Variants in DNAH12 observed in about 807,000 individuals in gnomAD.
DNAH12 encodes axonemal beta dynein heavy chain 12.
In DNAH12, 285 loss-of-function variants were observed where a neutral mutation model predicts 371.5. That is an observed-to-expected ratio of 0.77 (90% CI 0.70 to 0.85). The LOEUF (loss-of-function observed/expected upper bound fraction) is 0.85. Ranked by LOEUF, DNAH12 falls within the 40% of genes least tolerant of loss-of-function variation. The pLI is 0.00. For synonymous variants in DNAH12, 1,200 were observed against 1,213.0 expected (o/e 0.99, Z 0.22); for missense variants, 3,611 against 3,689.4 (o/e 0.98, Z 0.55).
chr3:57,469,264 C>G (rs2153379913), intron 16 of DNAH12, among the ~76,000 whole-genome samples: 1 of 152,222 alleles, frequency 6.6e-6, no homozygotes, highest in East Asian at 1.9e-4. Context: ...CAAATCAAAC[C>G]ACAATGAGAG....
chr3:57,302,087 T>C (rs2061359588), intron 69 of DNAH12, 148 bp from the exon 70 acceptor site: 2 of 703,434 alleles, frequency 2.8e-6, no homozygotes, highest in South Asian at 3.9e-5. Context: ...CGTGAGCTAA[T>C]GTTAAGTGAT....
In DNAH12 at chr3:57,470,612, G is replaced by C; in HGVS notation, c.1936C>G (p.Gln646Glu). The stretch of plus-strand genomic sequence containing the variant: ...TCTTCAGATTCCTGAATACGTTTTT[G>C]TAGTTGTCTTACATCTGTCACATAC... ...QQYVTDVRQL[Q>E]KRIQESEEAV... The change falls in exon 16 of 74, where the codon CAA becomes GAA. Residue 646 changes from glutamine to glutamate, a missense_variant. Coordinates refer to ENST00000495027, the MANE Select transcript of DNAH12 (RefSeq NM_001366028.2). The C allele has an allele frequency of 1.3e-6, 2 of 1,539,984 alleles. No homozygotes were observed. The highest frequency in any genetic ancestry group is 1.7e-6 in the Non-Finnish European group (2 of 1,144,550).
intron 4 of DNAH12, among the ~76,000 whole-genome samples, chr3:57,514,570 CAG>C (rs2068118956): frequency 1.3e-5 from 2 of 152,016 alleles, no homozygotes; most frequent in East Asian, 1.9e-4. Context: ...TTGGAACAGA[CAG>C]AAAGTATGGG....
At chr3:57,444,966 T>C in intron 28 of DNAH12, 150 bp from the exon 29 acceptor site, 1 of 1,043,240 alleles carries the variant, frequency 9.6e-7, no homozygotes, top group South Asian at 1.7e-5. Flanking sequence ...ATCCCTATAA[T>C]AAAAAGTCAA....
intron 60 of DNAH12, among the ~76,000 whole-genome samples, chr3:57,348,522 G>C (rs1221282267): frequency 6.6e-6 from 1 of 152,150 alleles, no homozygotes; most frequent in Non-Finnish European, 1.5e-5. Flanking sequence ...ATATGTCAAT[G>C]CAAGCTCATA....
chr3:57,483,149 C>T (rs1232227431), intron 13 of DNAH12, among the ~76,000 whole-genome samples: 1 of 146,664 alleles, frequency 6.8e-6, no homozygotes, highest in East Asian at 2.0e-4. Flanking sequence ...TAAAAATCAA[C>T]TGGAAACCTC....
intron 23 of DNAH12, 134 bp from the exon 24 acceptor site, chr3:57,453,537 T>C: frequency 1.3e-6 from 1 of 745,446 alleles, no homozygotes; most frequent in Non-Finnish European, 1.9e-6. Context: ...TCAAGCGTGG[T>C]GGCTCATGCC....
At position 57,454,457 on chromosome 3, in the gene DNAH12, G is replaced by A. The variant is rs528112649; in HGVS notation, c.3456+318C>T. Among the ~76,000 whole-genome samples, 12 of 147,916 alleles carry A rather than the reference G, an allele frequency of 8.1e-5. 1 individual carries two copies. The Admixed American group carries it at 8.1e-4, about 10-fold the overall frequency. On this transcript the variant is annotated intron_variant, in intron 23 of 73. Coordinates refer to ENST00000495027, the MANE Select transcript of DNAH12 (RefSeq NM_001366028.2). ...ATCATGCCTTTGCACTCCAGCCTAG[G>A]CAACAAGAGCGTAACTACATCTCAA...
intron 11 of DNAH12, among the ~76,000 whole-genome samples, chr3:57,499,677 C>CACACA (rs1389570310): frequency 2.2e-5 from 1 of 45,734 alleles, no homozygotes; most frequent in African/African-American, 8.8e-5. Flanking sequence ...TATATATATA[C>CACACA]TTCTTAAAAA....
intron 12 of DNAH12, among the ~76,000 whole-genome samples, chr3:57,488,444 G>A (rs772627844): frequency 6.6e-6 from 1 of 151,912 alleles, no homozygotes; most frequent in Non-Finnish European, 1.5e-5. Flanking sequence ...CGCCCTCCTC[G>A]GCCTCCCAAA....
the DNAH12 span, among the ~76,000 whole-genome samples, chr3:57,551,311 G>A: frequency 3.3e-5 from 5 of 150,920 alleles, no homozygotes; most frequent in Non-Finnish European, 7.4e-5. Context: ...TCGCTCTGTC[G>A]CCCAGGTTGG....
chr3:57,418,184 T>C (rs116446628), intron 37 of DNAH12, among the ~76,000 whole-genome samples: 20 of 151,108 alleles, frequency 1.3e-4, no homozygotes, highest in African/African-American at 4.8e-4. Context: ...TAAATAAATA[T>C]ATATATGGTT....
chr3:57,305,460 A>G (rs1018812611), intron 69 of DNAH12, among the ~76,000 whole-genome samples: 2 of 152,110 alleles, frequency 1.3e-5, no homozygotes, highest in East Asian at 1.9e-4. Flanking sequence ...TTACAGTTTC[A>G]TTCCGCGACT....
At chr3:57,408,178 C>A in intron 40 of DNAH12, 102 bp downstream of exon 40, 1 of 1,289,186 alleles carries the variant, frequency 7.8e-7, no homozygotes, top group Non-Finnish European at 1.0e-6. Flanking sequence ...AACAGTTTCT[C>A]TGACACCAAA....
At chr3:57,476,038 T>C (rs1304861176) in intron 13 of DNAH12, among the ~76,000 whole-genome samples, 4 of 152,194 alleles carry the variant, frequency 2.6e-5, no homozygotes, top group Non-Finnish European at 5.9e-5. Flanking sequence ...AATAAATTAT[T>C]GTATACAATG....
intron 29 of DNAH12, among the ~76,000 whole-genome samples, chr3:57,440,821 C>G (rs2065279088): frequency 6.6e-6 from 1 of 152,126 alleles, no homozygotes; most frequent in African/African-American, 2.4e-5. Flanking sequence ...GACCTCCTCT[C>G]TACTAAAAAT....
At chr3:57,302,567 ATTTTTTTTTTTTT>A (rs71088056) in intron 69 of DNAH12, among the ~76,000 whole-genome samples, 1 of 27,480 alleles carries the variant, frequency 3.6e-5, no homozygotes, top group Non-Finnish European at 6.3e-5. Flanking sequence ...ATATATATGT[ATTTTTTTTTTTTT>A]TTTTTTTTTT....
At chr3:57,454,920 C>T (rs2153375072) in intron 22 of DNAH12, 26 bp from the exon 23 acceptor site, 1 of 1,529,226 alleles carries the variant, frequency 6.5e-7, no homozygotes, top group South Asian at 1.3e-5. Context: ...AAATTTCTAA[C>T]TTTAAAAGCT....
At chr3:57,358,160 G>A (rs945660694) in intron 58 of DNAH12, among the ~76,000 whole-genome samples, 17 of 152,134 alleles carry the variant, frequency 1.1e-4, no homozygotes, top group African/African-American at 4.1e-4. Flanking sequence ...AAGAGGCAGG[G>A]CTAGAACCAG....
Sources: allele counts gnomAD v4.1 joint callset (sites outside exome capture counted in the v4.1 genomes callset), GRCh38; gene constraint gnomAD v4.1.1; transcripts MANE v1.5; gene names NCBI Gene and HGNC (gene_info 2026-07-23, HGNC 2026-07-21).